Variants in RARB observed in about 807,000 individuals in gnomAD.
RARB encodes the protein retinoic acid receptor beta.
Under a neutral mutation model 51.9 loss-of-function variants are expected in RARB, and 17 were observed. That is an observed-to-expected ratio of 0.33 (90% CI 0.22 to 0.49). The LOEUF is 0.49. Among genes scored for constraint, RARB ranks in the 20% least tolerant of loss-of-function variants. The pLI, the probability that RARB is intolerant of heterozygous loss-of-function variation, is 0.99. For missense variants in RARB, 369 were observed against 550.8 expected (o/e 0.67, Z 3.30); for synonymous variants, 215 against 195.4 (o/e 1.10, Z -0.84).
At chr3:25,385,035 C>G (rs914722904) in intron 5 of RARB, among the ~76,000 whole-genome samples, 2 of 152,120 alleles carry the variant, frequency 1.3e-5, no homozygotes, top group African/African-American at 4.8e-5. Context: ...GAGTTGTACC[C>G]CCATGGCCGT....
intron 2 of RARB, among the ~76,000 whole-genome samples, chr3:24,951,168 C>A (rs1356851990): frequency 6.6e-6 from 1 of 152,108 alleles, no homozygotes; most frequent in Non-Finnish European, 1.5e-5. Context: ...CACACTCTTA[C>A]CACTCAAGGA....
At chr3:25,119,289 G>A (rs2125328509) in intron 3 of RARB, among the ~76,000 whole-genome samples, 1 of 152,222 alleles carries the variant, frequency 6.6e-6, no homozygotes. Flanking sequence ...GGGGTCGGTG[G>A]TAAGGAGAAT....
chr3:24,965,434 A>G (rs972955972), intron 2 of RARB, among the ~76,000 whole-genome samples: 1 of 152,190 alleles, frequency 6.6e-6, no homozygotes, highest in Admixed American at 6.6e-5. Context: ...TTCCAGCTTT[A>G]TGAGTAAAAC....
intron 2 of RARB, among the ~76,000 whole-genome samples, chr3:25,465,494 A>T (rs902960799): frequency 6.6e-6 from 1 of 152,208 alleles, no homozygotes; most frequent in Non-Finnish European, 1.5e-5. Flanking sequence ...GCCTGTCATA[A>T]CCAGGATGAC....
intron 2 of RARB, among the ~76,000 whole-genome samples, chr3:25,495,746 G>T (rs528301794): frequency 1.7e-4 from 26 of 152,278 alleles, no homozygotes; most frequent in Middle Eastern, 6.8e-3. Flanking sequence ...TCAGTAATTG[G>T]TGTTCATTGT....
chr3:25,182,688 T>A (rs975314754), intron 5 of RARB, among the ~76,000 whole-genome samples: 3 of 152,160 alleles, frequency 2.0e-5, no homozygotes, highest in African/African-American at 7.2e-5. Flanking sequence ...CTATCTCCAA[T>A]GAGACATTAT....
chr3:25,127,516 C>G (rs538519894), intron 3 of RARB, among the ~76,000 whole-genome samples: 20 of 152,258 alleles, frequency 1.3e-4, no homozygotes, highest in African/African-American at 4.8e-4. Flanking sequence ...TTAGCCCTTA[C>G]CACTGTCTGA....
At chr3:25,395,689 C>T (rs1335396481) in intron 5 of RARB, among the ~76,000 whole-genome samples, 1 of 152,106 alleles carries the variant, frequency 6.6e-6, no homozygotes, top group Non-Finnish European at 1.5e-5. Context: ...TTCAACTCTA[C>T]TGTTGAAACT....
At chr3:25,057,692 C>G (rs920013023) in intron 2 of RARB, among the ~76,000 whole-genome samples, 10 of 151,964 alleles carry the variant, frequency 6.6e-5, no homozygotes, top group African/African-American at 4.8e-5. Flanking sequence ...TTGATTTATA[C>G]TCATGCTTGC....
At chr3:25,238,156 C>CCA (rs1702348108) in intron 5 of RARB, among the ~76,000 whole-genome samples, 1 of 151,866 alleles carries the variant, frequency 6.6e-6, no homozygotes, top group Non-Finnish European at 1.5e-5. Flanking sequence ...CAGCGCCCCC[C>CCA]CACACATCCT....
chr3:25,520,401 T>A lies in RARB; in HGVS notation c.448+19078T>A, dbSNP rs1037463027. On this transcript the variant is annotated intron_variant, in intron 3 of 7. Transcript: ENST00000330688. ...CTGATTTCAGCTCTGGACTGAAAAT[T>A]CTTAAACTATTCCTCTCCCAGTCTC... Among the ~76,000 whole-genome samples the A allele has an allele frequency of 3.3e-5, 5 of 152,182 alleles. No individual in the cohort carries two copies. The East Asian group carries it at 9.6e-4, about 29-fold the overall frequency.
intron 5 of RARB, among the ~76,000 whole-genome samples, chr3:25,198,999 T>C (rs551032171): frequency 6.6e-6 from 1 of 152,332 alleles, no homozygotes; most frequent in Admixed American, 6.5e-5. Context: ...TTCTCATGTT[T>C]ATTGTAGCAC....
intron 3 of RARB, among the ~76,000 whole-genome samples, chr3:25,119,631 C>G (rs1390527106): frequency 7.2e-6 from 1 of 138,126 alleles, no homozygotes; most frequent in Non-Finnish European, 1.5e-5. Flanking sequence ...CCTAACACCA[C>G]AAGTGAAAAA....
intron 5 of RARB, among the ~76,000 whole-genome samples, chr3:25,194,992 C>T (rs1575210200): frequency 6.6e-6 from 1 of 151,932 alleles, no homozygotes; most frequent in African/African-American, 2.4e-5. Context: ...CTTTCTTATA[C>T]CTCCAATGGA....
intron 4 of RARB, among the ~76,000 whole-genome samples, chr3:25,574,784 C>CT (rs1700856428): frequency 6.6e-6 from 1 of 152,182 alleles, no homozygotes. Flanking sequence ...GTTTTGAGCA[C>CT]TTGTCATGGG....
At chr3:25,192,669 G>C (rs1378570613) in intron 5 of RARB, among the ~76,000 whole-genome samples, 1 of 152,122 alleles carries the variant, frequency 6.6e-6, no homozygotes, top group Non-Finnish European at 1.5e-5. Flanking sequence ...CAATTAATGA[G>C]TGGCACAAGG....
At chr3:25,121,377 T>C (rs1382676641) in intron 3 of RARB, among the ~76,000 whole-genome samples, 1 of 152,170 alleles carries the variant, frequency 6.6e-6, no homozygotes, top group Non-Finnish European at 1.5e-5. Context: ...TAGCTTCCTA[T>C]TTAGATTTTT....
chr3:25,430,601 C>A (rs911094502), intron 1 of RARB, among the ~76,000 whole-genome samples: 1 of 152,160 alleles, frequency 6.6e-6, no homozygotes, highest in Non-Finnish European at 1.5e-5. Context: ...TTTGTTTGTT[C>A]TTGGACAAGT....
At chr3:25,022,258 C>A (rs1427150321) in intron 2 of RARB, among the ~76,000 whole-genome samples, 1 of 152,166 alleles carries the variant, frequency 6.6e-6, no homozygotes, top group East Asian at 1.9e-4. Context: ...ATTACTCACC[C>A]TAAGGGTAAC....
Sources: allele counts gnomAD v4.1 joint callset (sites outside exome capture counted in the v4.1 genomes callset), GRCh38; gene constraint gnomAD v4.1.1; transcripts MANE v1.5; gene names NCBI Gene and HGNC (gene_info 2026-07-23, HGNC 2026-07-21).